The following NTM variants were observed in gnomAD, a reference collection of about 807,000 sequenced individuals.
NTM encodes IgLON family member 2.
NTM carries 13 observed loss-of-function variants against 42.1 expected under a neutral mutation model. The ratio of observed to expected loss-of-function variants is 0.31; its 90% CI spans 0.20 to 0.49. The LOEUF (loss-of-function observed/expected upper bound fraction) is 0.49. Ranked by LOEUF, NTM falls within the 20% of genes least tolerant of loss-of-function variation. The probability of loss-of-function intolerance (pLI) is 0.99; values close to 1 mark genes in which losing one functional copy is unlikely to be tolerated. For missense variants in NTM, 373 were observed against 452.8 expected, an observed-to-expected ratio of 0.82 and a Z score of 1.60; for synonymous variants, 187 against 179.2, an observed-to-expected ratio of 1.04 and a Z score of -0.35.
At chr11:131,867,022 T>C (rs1410867411) in intron 1 of NTM, among the ~76,000 whole-genome samples, 1 of 152,148 alleles carries the variant, frequency 6.6e-6, no homozygotes, top group East Asian at 1.9e-4. Flanking sequence ...GCACTCCCTT[T>C]CCTTCTGGGC....
At chr11:132,276,980 A>G (rs1189766956) in intron 4 of NTM, among the ~76,000 whole-genome samples, 1 of 152,190 alleles carries the variant, frequency 6.6e-6, no homozygotes, top group Non-Finnish European at 1.5e-5. Flanking sequence ...ATATAGAAAT[A>G]CAACTGATTT....
At position 131,889,060 on chromosome 11, in the gene NTM, C is replaced by G. The variant is rs374542299; in HGVS notation, c.83-22504C>G. 5.3e-5 allele frequency among the ~76,000 whole-genome samples: 8 copies of G among 152,048 alleles called. No homozygotes were observed. In the East Asian group the frequency reaches 1.5e-3, roughly 29 times the overall value. On this transcript the variant is annotated intron_variant, in intron 1 of 8. Transcript: ENST00000683400. Reference sequence around the variant, plus strand: ...TGGAGTCACCCACTTCCAAAGGGAGCGTCCGGATTTTAGGAAGTGTTGGTA... The same window carrying G: ...TGGAGTCACCCACTTCCAAAGGGAGGGTCCGGATTTTAGGAAGTGTTGGTA...
intron 1 of NTM, among the ~76,000 whole-genome samples, chr11:131,439,318 G>A (rs988012001): frequency 3.9e-5 from 6 of 152,186 alleles, no homozygotes; most frequent in African/African-American, 1.4e-4. Context: ...CACCATGCTG[G>A]GAGAACCACT....
intron 1 of NTM, among the ~76,000 whole-genome samples, chr11:131,468,254 A>ATT (rs1325434589): frequency 6.6e-6 from 1 of 152,212 alleles, no homozygotes; most frequent in Non-Finnish European, 1.5e-5. Context: ...CCCATATGAC[A>ATT]AAGCCCATGC....
At position 131,789,628 on chromosome 11, in the gene NTM, GA is replaced by G. The variant is rs1241751936; in HGVS notation, c.83-121934del. ...AGAAGAAGAAGAAGAAGAAGAAGAA[GA>G]AGAAGAAAAGAAGAAGAAGAAGAAG... On this transcript the variant is annotated intron_variant, in intron 1 of 8. Transcript: ENST00000683400. 2.5e-4 allele frequency among the ~76,000 whole-genome samples: 21 copies of G among 85,162 alleles called. 2 individuals are homozygous for G. In the South Asian group the frequency reaches 3.6e-3, roughly 14 times the overall value. The allele number at this position is 85,162 out of a possible 152,430, so 55.9% of individuals were successfully genotyped here.
chr11:132,255,395 A>G (rs1263964748), intron 4 of NTM, among the ~76,000 whole-genome samples: 1 of 152,172 alleles, frequency 6.6e-6, no homozygotes, highest in Non-Finnish European at 1.5e-5. Context: ...TGATTCCTGC[A>G]GAAGTGGCTC....
chr11:131,996,355 T>G (rs1021715033), intron 2 of NTM, among the ~76,000 whole-genome samples: 1 of 152,134 alleles, frequency 6.6e-6, no homozygotes, highest in Non-Finnish European at 1.5e-5. Context: ...TAAATTAATA[T>G]GTACATATCC....
Position 131,727,486 on chromosome 11 carries a change from A to G in NTM, c.83-184078A>G, listed in dbSNP as rs979433976. 5.3e-5 allele frequency among the ~76,000 whole-genome samples: 8 copies of G among 152,172 alleles called. No individual in the cohort carries two copies. In the East Asian group the frequency reaches 9.6e-4, roughly 18 times the overall value. On this transcript the variant is annotated intron_variant, in intron 1 of 8. Transcript: ENST00000683400. ...TGAACTTGTGAGAGCCGCTTCCTGC[A>G]GCAGGAGGAGTAATGCTGATTAGGT...
At chr11:131,971,381 T>C (rs1001331813) in intron 2 of NTM, among the ~76,000 whole-genome samples, 3 of 152,238 alleles carry the variant, frequency 2.0e-5, no homozygotes, top group African/African-American at 4.8e-5. Flanking sequence ...ACCGATTCTT[T>C]GGCCTATTTT....
At chr11:131,720,038 G>A (rs2078151622) in intron 1 of NTM, among the ~76,000 whole-genome samples, 2 of 152,102 alleles carry the variant, frequency 1.3e-5, no homozygotes, top group Non-Finnish European at 2.9e-5. Flanking sequence ...TACAGGTTCC[G>A]GGGTTGCTTC....
At chr11:132,037,544 A>T (rs2076660554) in intron 2 of NTM, among the ~76,000 whole-genome samples, 1 of 152,176 alleles carries the variant, frequency 6.6e-6, no homozygotes, top group Non-Finnish European at 1.5e-5. Flanking sequence ...TTGACCTGCG[A>T]GAAGAGTCAG....
At chr11:131,783,983 A>G (rs912391199) in intron 1 of NTM, among the ~76,000 whole-genome samples, 1 of 152,240 alleles carries the variant, frequency 6.6e-6, no homozygotes, top group African/African-American at 2.4e-5. Context: ...AAATGTTTAA[A>G]CAAATACTTC....
At chr11:132,270,088 T>C (rs1707965532) in intron 4 of NTM, among the ~76,000 whole-genome samples, 1 of 152,192 alleles carries the variant, frequency 6.6e-6, no homozygotes, top group South Asian at 2.1e-4. Context: ...CCTCTATAAC[T>C]ACGGATAGCG....
At chr11:131,471,514 C>T (rs117379648) in intron 1 of NTM, among the ~76,000 whole-genome samples, 4,104 of 152,238 alleles carry the variant, frequency 0.027, 104 homozygotes, top group Middle Eastern at 0.041. Flanking sequence ...GAGTGTGTAA[C>T]GGAAAGCCCA....
intron 1 of NTM, among the ~76,000 whole-genome samples, chr11:131,475,063 G>A (rs2136199803): frequency 6.6e-6 from 1 of 152,286 alleles, no homozygotes; most frequent in East Asian, 1.9e-4. Flanking sequence ...TGCTCAGAGT[G>A]TTCCTTCTGC....
At chr11:132,113,201 T>C (rs10791204) in intron 2 of NTM, among the ~76,000 whole-genome samples, 109,883 of 152,152 alleles carry the variant, frequency 0.72, 40,812 homozygotes, top group African/African-American at 0.86. Flanking sequence ...GGCACTTCCA[T>C]GCAGCCCGTG....
In NTM at chr11:131,632,953, G is replaced by A. The variant is rs370441948; in HGVS notation, c.82+262065G>A. Among the ~76,000 whole-genome samples, 17 of 146,944 alleles carry A rather than the reference G, an allele frequency of 1.2e-4. 1 individual carries two copies. Among genetic ancestry groups the A allele is most frequent in the African/African-American group, 2.7e-4 (10 of 36,804 alleles). On this transcript the variant is annotated intron_variant, in intron 1 of 8. Coordinates refer to ENST00000683400, the MANE Select transcript of NTM (RefSeq NM_001352005.2). Reference sequence around the variant, plus strand: ...CTCCCAAAGTGCTAGGATTACAGGCGTGAGCCACCGCGCCACTCGGGCAGC... The same window carrying A: ...CTCCCAAAGTGCTAGGATTACAGGCATGAGCCACCGCGCCACTCGGGCAGC...
chr11:131,497,655 A>C lies in NTM; in HGVS notation c.82+126767A>C, dbSNP rs117219357. 3.8e-3 allele frequency among the ~76,000 whole-genome samples: 578 copies of C among 152,298 alleles called. 1 individual carries two copies. The highest frequency in any genetic ancestry group is 6.1e-3 in the Non-Finnish European group (418 of 68,032). ...AGCTTAGCCTGTTAATTTCCTTTAAAATTCAAGAGGGAGAAAATTGTTAAG... is the reference window on the plus strand; with the variant it reads ...AGCTTAGCCTGTTAATTTCCTTTAACATTCAAGAGGGAGAAAATTGTTAAG... On this transcript the variant is annotated intron_variant, in intron 1 of 8. Transcript: ENST00000683400.
At chr11:132,233,310 C>T (rs1436237133) in intron 4 of NTM, among the ~76,000 whole-genome samples, 1 of 152,108 alleles carries the variant, frequency 6.6e-6, no homozygotes, top group Non-Finnish European at 1.5e-5. Flanking sequence ...ATTCTAGCTA[C>T]TTGGGAGGCT....
Sources: allele counts gnomAD v4.1 joint callset (sites outside exome capture counted in the v4.1 genomes callset), GRCh38; gene constraint gnomAD v4.1.1; transcripts MANE v1.5; gene names NCBI Gene and HGNC (gene_info 2026-07-23, HGNC 2026-07-21).